The following PARD3B variants were observed in gnomAD, a reference collection of about 807,000 sequenced individuals.
The protein encoded by PARD3B is partitioning defective 3 homolog B.
A neutral mutation model predicts 130.2 loss-of-function variants in PARD3B; 103 were observed. The ratio of observed to expected loss-of-function variants is 0.79; its 90% CI spans 0.67 to 0.93. PARD3B has a LOEUF of 0.93. Ranked by LOEUF, PARD3B falls within the 40% of genes least tolerant of loss-of-function variation. The pLI is 0.00. For synonymous variants in PARD3B, 583 were observed against 553.2 expected, an observed-to-expected ratio of 1.05 and a Z score of -0.76; for missense variants, 1,609 against 1,499.2, an observed-to-expected ratio of 1.07 and a Z score of -1.21.
chr2:205,235,140 G>C (rs1287483589), intron 15 of PARD3B, among the ~76,000 whole-genome samples: 2 of 152,126 alleles, frequency 1.3e-5, no homozygotes, highest in Non-Finnish European at 2.9e-5. Context: ...GGTAAGAGAG[G>C]CTGTGTGAAA....
intron 1 of PARD3B, among the ~76,000 whole-genome samples, chr2:204,657,161 G>A (rs2035666948): frequency 6.6e-6 from 1 of 152,194 alleles, no homozygotes; most frequent in Non-Finnish European, 1.5e-5. Flanking sequence ...AAGATCTGGA[G>A]GAGAAAGAGA....
At chr2:204,766,715 A>G (rs548532294) in intron 2 of PARD3B, among the ~76,000 whole-genome samples, 1 of 151,952 alleles carries the variant, frequency 6.6e-6, no homozygotes, top group African/African-American at 2.4e-5. Context: ...CTAAAAAAAA[A>G]TTTGAGGAAA....
Position 205,300,551 on chromosome 2 carries a change from G to A in PARD3B, c.2207G>A (p.Gly736Asp). 1 of 1,613,638 alleles carries A rather than the reference G, an allele frequency of 6.2e-7. No homozygotes were observed. The highest frequency in any genetic ancestry group is 8.5e-7 in the Non-Finnish European group (1 of 1,179,934). Residue 736 changes from glycine to aspartate, a missense_variant, in exon 17 of 23, where the codon GGT (glycine) becomes GAT (aspartate). By Grantham distance (94) the Gly-to-Asp change is moderately conservative (BLOSUM62 -1). Transcript: ENST00000406610. This position sits in a 1 kb window ranked among gnomAD's most constrained non-coding sequence, Gnocchi z 4.1. ...CCAGAATCTCCAAGCAAAGATTTTG[G>A]TCCAACTCTGGGTTTGAAAAAGTCC... ...QKSESPSKDF[G>D]PTLGLKKSSS...
intron 18 of PARD3B, among the ~76,000 whole-genome samples, chr2:205,371,987 G>A (rs2044836648): frequency 6.6e-6 from 1 of 152,094 alleles, no homozygotes; most frequent in Admixed American, 6.6e-5. Context: ...GTATCAGTAC[G>A]TGTATCCCTT....
rs7587848 is a variant in PARD3B, at chr2:205,430,473, G to C, written c.2742-9897G>C. Among the ~76,000 whole-genome samples, 709 of 152,240 alleles carry C rather than the reference G, an allele frequency of 4.7e-3. 8 individuals are homozygous for C. The highest frequency in any genetic ancestry group is 0.016 in the African/African-American group (669 of 41,548). ...ATTTTAATTAAAATTTTGTACCTTA[G>C]TCATACTAGCCACATTTCAAGAGTT... On this transcript the variant is annotated intron_variant, in intron 19 of 22. Coordinates refer to ENST00000406610, the MANE Select transcript of PARD3B (RefSeq NM_001302769.2).
chr2:205,032,821 G>A (rs1697521095), intron 3 of PARD3B, among the ~76,000 whole-genome samples: 1 of 152,124 alleles, frequency 6.6e-6, no homozygotes, highest in African/African-American at 2.4e-5. Context: ...AACTTTGAAT[G>A]ATCCAATAAA....
chr2:205,275,837 C>CAAAAAAAAA (rs59238795), intron 16 of PARD3B, among the ~76,000 whole-genome samples: 2 of 60,652 alleles, frequency 3.3e-5, no homozygotes, highest in Non-Finnish European at 6.2e-5. Context: ...AACTTTGTCT[C>CAAAAAAAAA]AAAAAAAAAA....
intron 2 of PARD3B, among the ~76,000 whole-genome samples, chr2:204,693,328 C>T (rs1023660722): frequency 6.6e-6 from 1 of 151,978 alleles, no homozygotes; most frequent in African/African-American, 2.4e-5. Context: ...CTCTTCCTTA[C>T]CTGTCAGCTG....
In PARD3B at chr2:205,044,059, T is replaced by C. The variant is rs1230476102; in HGVS notation, c.395-3522T>C. Among the ~76,000 whole-genome samples, 9 of 151,898 alleles carry C rather than the reference T, an allele frequency of 5.9e-5. No individual in the cohort carries two copies. In the East Asian group the frequency reaches 1.4e-3, roughly 23 times the overall value. On this transcript the variant is annotated intron_variant, in intron 3 of 22. Coordinates refer to ENST00000406610, the MANE Select transcript of PARD3B (RefSeq NM_001302769.2). The stretch of plus-strand genomic sequence containing the variant: ...CCTATGAGTGAGAATATGCAGTGTT[T>C]GGTTTTTTGTTCTTGAGATAGTTTA...
chr2:204,853,057 TAGAA>T (rs2044773830), intron 2 of PARD3B, among the ~76,000 whole-genome samples: 1 of 152,212 alleles, frequency 6.6e-6, no homozygotes, highest in African/African-American at 2.4e-5. Flanking sequence ...ATGAATTTGA[TAGAA>T]AGTGTTTCTG....
At chr2:204,699,318 T>G (rs1189976940) in intron 2 of PARD3B, among the ~76,000 whole-genome samples, 1 of 152,122 alleles carries the variant, frequency 6.6e-6, no homozygotes, top group African/African-American at 2.4e-5. Flanking sequence ...ATCTGTGATA[T>G]ATTCAATGTA....
intron 18 of PARD3B, among the ~76,000 whole-genome samples, chr2:205,349,497 A>G (rs545380233): frequency 3.3e-5 from 5 of 152,318 alleles, no homozygotes; most frequent in African/African-American, 1.2e-4. Flanking sequence ...TAAACTGTGG[A>G]AAGAAATCCA....
intron 1 of PARD3B, among the ~76,000 whole-genome samples, chr2:204,657,655 A>G (rs2035681909): frequency 6.6e-6 from 1 of 152,212 alleles, no homozygotes; most frequent in Non-Finnish European, 1.5e-5. Context: ...ATACGTTTTC[A>G]GGTAATCCTA....
At chr2:204,781,149 T>G (rs1301668876) in intron 2 of PARD3B, among the ~76,000 whole-genome samples, 2 of 152,146 alleles carry the variant, frequency 1.3e-5, no homozygotes, top group Non-Finnish European at 2.9e-5. Context: ...ACAGCTTATT[T>G]ATAGATCATG....
intron 2 of PARD3B, among the ~76,000 whole-genome samples, chr2:204,873,316 T>C (rs2045706426): frequency 6.6e-6 from 1 of 152,186 alleles, no homozygotes; most frequent in Non-Finnish European, 1.5e-5. Flanking sequence ...CAGTAATATA[T>C]GGCGAAAGCT....
intron 1 of PARD3B, among the ~76,000 whole-genome samples, chr2:204,614,528 A>C (rs1024549302): frequency 6.6e-6 from 1 of 152,182 alleles, no homozygotes; most frequent in Non-Finnish European, 1.5e-5. Flanking sequence ...TAGTCACTTC[A>C]TTTTAAAATA....
At chr2:205,137,906 C>A (rs967594026) in intron 10 of PARD3B, among the ~76,000 whole-genome samples, 1 of 152,218 alleles carries the variant, frequency 6.6e-6, no homozygotes, top group African/African-American at 2.4e-5. Context: ...TCTGCTTCAT[C>A]CTTTTGGTCA....
chr2:205,113,459 C>T (rs1703797692), intron 5 of PARD3B, 32 bp from the exon 6 acceptor site: 1 of 1,519,280 alleles, frequency 6.6e-7, no homozygotes, highest in Non-Finnish European at 9.1e-7. Flanking sequence ...TTAGCAGACA[C>T]TCATTTGTGC....
At chr2:205,094,180 T>C (rs1440532341) in intron 4 of PARD3B, among the ~76,000 whole-genome samples, 1 of 152,180 alleles carries the variant, frequency 6.6e-6, no homozygotes, top group Non-Finnish European at 1.5e-5. Flanking sequence ...GTAGGTCTTA[T>C]AAGCTGTGAA....
Sources: allele counts gnomAD v4.1 joint callset (sites outside exome capture counted in the v4.1 genomes callset), GRCh38; gene constraint gnomAD v4.1.1; non-coding constraint Gnocchi (gnomAD v3.1); transcripts MANE v1.5; gene names NCBI Gene and HGNC (gene_info 2026-07-23, HGNC 2026-07-21).